The following HDDC3 variants were observed in gnomAD, a reference collection of about 807,000 sequenced individuals.
The protein encoded by HDDC3 is HD domain containing 3.
A neutral mutation model predicts 19.1 loss-of-function variants in HDDC3; 18 were observed. That is an observed-to-expected ratio of 0.94 (90% confidence interval 0.65 to 1.40). HDDC3 has a LOEUF of 1.40. Among genes scored for constraint, HDDC3 ranks in the 40% most tolerant of loss-of-function variants. The probability of loss-of-function intolerance (pLI) is 0.00; values close to 1 mark genes in which losing one functional copy is unlikely to be tolerated. For synonymous variants in HDDC3, 107 were observed against 99.4 expected (o/e 1.08, Z -0.46); for missense variants, 250 against 228.9 (o/e 1.09, Z -0.59).
chr15:90,931,775 G>C lies in HDDC3; in HGVS notation c.338C>G (p.Pro113Arg). The change falls in exon 3 of 4, where the codon CCC becomes CGC. Residue 113 changes from proline to arginine, a missense_variant. Pro to Arg is a moderately radical substitution (Grantham distance 103). Coordinates refer to ENST00000394272, the MANE Select transcript of HDDC3 (RefSeq NM_001286451.2). ...TGCCAGCTTCACCAGTTTGGCCCCG[G>C]GGCTACTGTGGGGCGCTTGCTCCAC... ...LQVEQAPHSS[P>R]GAKLVKLADK... The C allele has an allele frequency of 6.2e-7, 1 of 1,614,088 alleles. No homozygotes were observed. The highest frequency in any genetic ancestry group is 1.1e-5 in the South Asian group (1 of 91,080).
rs115859518 is a variant in HDDC3 at position 90,931,096 on chromosome 15, G to A, written c.*179C>T. On this transcript the variant is annotated 3_prime_UTR_variant, in exon 4 of 4. Transcript: ENST00000394272. ...GATGGGTACATCTGATTCCCACCAC[G>A]CGGGGCTCAGCTTAGTTAGCAGGAG... 1.9e-3 allele frequency: 1,285 copies of A among 663,008 alleles called. 15 individuals carry two copies. In the African/African-American group the frequency reaches 0.02, roughly 10 times the overall value. The allele number at this position is 663,008 out of a possible 1,614,324, so 41.1% of individuals were successfully genotyped here.
At chr15:90,931,462 TC>T (rs1372242461) in intron 3 of HDDC3, 57 bp from the exon 4 acceptor site, 2 of 1,614,006 alleles carry the variant, frequency 1.2e-6, no homozygotes, top group Admixed American at 1.7e-5. Flanking sequence ...CACTGCCTTT[TC>T]CCCACTTCCT....
Position 90,931,795 on chromosome 15 carries a change from C to T in HDDC3, c.318G>A (p.Glu106=), listed in dbSNP as rs2035804017. ...PKLERKRLQV[E]QAPHSSPGAK... ...CCCCGGGGCTACTGTGGGGCGCTTG[C>T]TCCACCTGCAGCCTCTTTCTCTCCA... The change falls in exon 3 of 4, where the codon GAG becomes GAA. Residue 106 remains glutamate, a synonymous_variant. Transcript: ENST00000394272. 6.2e-7 allele frequency: 1 copy of T among 1,614,180 alleles called. No homozygotes were observed. The highest frequency in any genetic ancestry group is 2.2e-5 in the East Asian group (1 of 44,878).
rs1428047699 is a variant in HDDC3, at chr15:90,932,531, C to CA, written c.9dup (p.Glu4Ter). On this transcript the variant is annotated frameshift_variant, in exon 1 of 4. Coordinates refer to ENST00000394272, the MANE Select transcript of HDDC3 (RefSeq NM_001286451.2). LOFTEE classifies it high-confidence loss of function. ...GCAGCCTCCAGCAGCTGCGCCGCCTCAGAGCCCATCGCGCGGATGGGGCCG... is the reference window on the plus strand; with the variant it reads ...GCAGCCTCCAGCAGCTGCGCCGCCTCAAGAGCCCATCGCGCGGATGGGGCCG... 2.4e-6 allele frequency: 3 copies of CA among 1,268,068 alleles called. No individual in the cohort carries two copies. The South Asian group carries it at 8.8e-5, about 37-fold the overall frequency. 78.6% of individuals were successfully genotyped at this position (1,268,068 alleles called of 1,614,324 possible).
rs2035824152 is a variant in HDDC3 at position 90,932,197 on chromosome 15, CT to C, written c.113-88del. 5.8e-6 allele frequency: 8 copies of C among 1,380,530 alleles called. No individual in the cohort carries two copies. In the South Asian group the frequency reaches 8.5e-5, roughly 15 times the overall value. 85.5% of individuals were successfully genotyped at this position (1,380,530 alleles called of 1,614,324 possible). A position where few individuals can be genotyped will look rare whatever the true frequency, so the allele number is the denominator to read the frequency against. The stretch of plus-strand genomic sequence containing the variant: ...GGTTTTGGAGAGCCAGATGTGGCCC[CT>C]TGTGGACTCTGACTAGCTGGGTGAC... On this transcript the variant is annotated intron_variant, in intron 1 of 3. Transcript: ENST00000394272.
chr15:90,931,244 A>T lies in HDDC3; in HGVS notation c.*31T>A. ...TCCTGTCCGGCCTGAACGAGGCTGGAGTTGTGCCTCTGGATAGCTTCAAGC... is the reference window on the plus strand; with the variant it reads ...TCCTGTCCGGCCTGAACGAGGCTGGTGTTGTGCCTCTGGATAGCTTCAAGC... On this transcript the variant is annotated 3_prime_UTR_variant, in exon 4 of 4. Transcript: ENST00000394272. 1 of 1,550,288 alleles carries T rather than the reference A, an allele frequency of 6.5e-7. No homozygotes were observed. The highest frequency in any genetic ancestry group is 8.7e-7 in the Non-Finnish European group (1 of 1,146,646).
At chr15:90,932,564 C>A (rs932178288), upstream of HDDC3, 1 of 1,225,618 alleles carries the variant, frequency 8.2e-7, no homozygotes, top group African/African-American at 1.6e-5. Context: ...CCGACGACTG[C>A]GGCCGCAGGG....
At chr15:90,932,354 C>T in intron 1 of HDDC3, 75 bp downstream of exon 1, 1 of 927,438 alleles carries the variant, frequency 1.1e-6, no homozygotes. Flanking sequence ...CAATGAGGTG[C>T]ACGCCCCCCA....
rs777600971 is a variant in HDDC3, at chr15:90,931,606, T to C, written c.409+98A>G. On this transcript the variant is annotated intron_variant, in intron 3 of 3. Transcript: ENST00000394272. ...GGTCCAGTAGGATTAATTTGGGAAT[T>C]AAGAATGCCCAGGGTTTTTCAGGGG... 24 of 1,614,072 alleles carry C rather than the reference T, an allele frequency of 1.5e-5. 3 individuals carry two copies. In the South Asian group the frequency reaches 2.6e-4, roughly 18 times the overall value.
At chr15:90,931,556 A>G in intron 3 of HDDC3, 148 bp downstream of exon 3, 1 of 1,614,142 alleles carries the variant, frequency 6.2e-7, no homozygotes, top group South Asian at 1.1e-5. Context: ...TTGTATTTTT[A>G]CTGTATGAAA....
intron 3 of HDDC3, 97 bp from the exon 4 acceptor site, chr15:90,931,502 C>G: frequency 6.2e-7 from 1 of 1,614,170 alleles, no homozygotes; most frequent in Non-Finnish European, 8.5e-7. Context: ...CCATGAGTTC[C>G]TGATGGAATG....
At position 90,931,732 on chromosome 15, in the gene HDDC3, C is replaced by G; in HGVS notation, c.381G>C (p.Leu127=). ...CTGGGGTGCAGCGATTCAGGTCCCT[C>G]AGATTGTACAGCTTGTCTGCCAGCT... The part of the protein sequence containing the change: ...LVKLADKLYN[L]RDLNRCTPEG... Residue 127 remains leucine (L), a synonymous_variant, in exon 3 of 4, where the codon CTG becomes CTC. Coordinates refer to ENST00000394272, the MANE Select transcript of HDDC3 (RefSeq NM_001286451.2). 1 of 1,614,142 alleles carries G rather than the reference C, an allele frequency of 6.2e-7. No homozygotes were observed. Among genetic ancestry groups the G allele is most frequent in the Non-Finnish European group, 8.5e-7 (1 of 1,180,042 alleles).
chr15:90,931,719 G>T lies in HDDC3; in HGVS notation c.394C>A (p.Arg132Ser), dbSNP rs2035799714. 6.2e-7 allele frequency: 1 copy of T among 1,614,098 alleles called. No homozygotes were observed. Among genetic ancestry groups the T allele is most frequent in the African/African-American group, 1.3e-5 (1 of 75,008 alleles). Residue 132 changes from arginine (R) to serine (S), a missense_variant, in exon 3 of 4, where the codon CGC becomes AGC. By Grantham distance (110) the Arg-to-Ser change is moderately radical. Transcript: ENST00000394272. ...DKLYNLRDLN[R>S]CTPEGWSEHR... The stretch of plus-strand genomic sequence containing the variant: ...GAAAGCGTACCCTCTGGGGTGCAGC[G>T]ATTCAGGTCCCTCAGATTGTACAGC...
At position 90,930,428 on chromosome 15, in the gene HDDC3, G is replaced by C. The variant is rs2035749733; in HGVS notation, c.*847C>G. The stretch of plus-strand genomic sequence containing the variant: ...CACCCAAGCTGGAGTGCAGTGGCGC[G>C]ATCTCGGCTCAGTACAAACTCCGCC... On this transcript the variant is annotated 3_prime_UTR_variant, in exon 4 of 4. Coordinates refer to ENST00000394272, the MANE Select transcript of HDDC3 (RefSeq NM_001286451.2). The C allele has an allele frequency of 6.6e-6, 1 of 152,314 alleles. No individual in the cohort carries two copies. The allele number at this position is 152,314 out of a possible 1,614,324, so 9.4% of individuals were successfully genotyped here.
intron 3 of HDDC3, 72 bp from the exon 4 acceptor site, chr15:90,931,477 A>C: frequency 6.2e-7 from 1 of 1,614,176 alleles, no homozygotes; most frequent in Non-Finnish European, 8.5e-7. Flanking sequence ...ACTTCCTGGC[A>C]AGCTTGGTTC....
At chr15:90,932,379 TC>T in intron 1 of HDDC3, 49 bp downstream of exon 1, 1 of 1,163,700 alleles carries the variant, frequency 8.6e-7, no homozygotes, top group Non-Finnish European at 1.1e-6. Flanking sequence ...TCCTTCCCAG[TC>T]CCCACCACCC....
chr15:90,932,028 C>A, intron 2 of HDDC3, 27 bp downstream of exon 2: 1 of 1,613,970 alleles, frequency 6.2e-7, no homozygotes, highest in South Asian at 1.1e-5. Flanking sequence ...CCATCCCAGG[C>A]TCCTGGCAGA....
chr15:90,932,107 A>G lies in HDDC3; in HGVS notation c.116T>C (p.Val39Ala). 6.3e-7 allele frequency: 1 copy of G among 1,592,816 alleles called. No individual in the cohort carries two copies. ...CGCCTCGTGGGTCAGGATCCGTGCCACACCTGACGGGGAGGGGCAAAGCAG... is the reference window on the plus strand; with the variant it reads ...CGCCTCGTGGGTCAGGATCCGTGCCGCACCTGACGGGGAGGGGCAAAGCAG... The part of the protein sequence containing the change: ...GTPYINHPIG[V>A]ARILTHEAGI... The change falls in exon 2 of 4, where the codon GTG becomes GCG. Residue 39 changes from valine to alanine, a missense_variant. Physicochemically the swap from Val to Ala is moderately conservative, Grantham distance 64. Coordinates refer to ENST00000394272, the MANE Select transcript of HDDC3 (RefSeq NM_001286451.2).
chr15:90,930,620 C>G lies in HDDC3; in HGVS notation c.*655G>C, dbSNP rs369850248. On this transcript the variant is annotated 3_prime_UTR_variant, in exon 4 of 4. Transcript: ENST00000394272. ...CTGACCTCAAGTGATCCGCCCGCCT[C>G]GGTCTCCCAGAGTGCTGGGATTACA... 2 of 152,672 alleles carry G rather than the reference C, an allele frequency of 1.3e-5. No homozygotes were observed. Among genetic ancestry groups the G allele is most frequent in the South Asian group, 4.1e-4 (2 of 4,930 alleles). 9.5% of individuals were successfully genotyped at this position (152,672 alleles called of 1,614,324 possible).
Sources: allele counts gnomAD v4.1 joint callset, GRCh38; gene constraint gnomAD v4.1.1; transcripts MANE v1.5; gene names NCBI Gene and HGNC (gene_info 2026-07-23, HGNC 2026-07-21).